Variants in HTR4 observed in about 807,000 individuals in gnomAD.
HTR4 encodes 5-hydroxytryptamine (serotonin) receptor 4, G protein-coupled.
A neutral mutation model predicts 36.8 loss-of-function variants in HTR4; 16 were observed. The observed-to-expected ratio is 0.43, with a 90% CI of 0.29 to 0.66. The LOEUF (loss-of-function observed/expected upper bound fraction) is 0.66, where lower values mean the gene tolerates loss of function less well. Among genes scored for constraint, HTR4 ranks in the 30% least tolerant of loss-of-function variants. The pLI is 0.13. For synonymous variants in HTR4, 189 were observed against 185.1 expected (o/e 1.02, Z -0.17); for missense variants, 438 against 490.9 (o/e 0.89, Z 1.02).
chr5:148,566,102 A>T (rs1272428596), intron 2 of HTR4, among the ~76,000 whole-genome samples: 3 of 152,220 alleles, frequency 2.0e-5, no homozygotes, highest in Non-Finnish European at 4.4e-5. Flanking sequence ...AACATGAAAC[A>T]TCTAAATGTC....
intron 2 of HTR4, among the ~76,000 whole-genome samples, chr5:148,613,374 A>G (rs1278226991): frequency 6.9e-6 from 1 of 145,516 alleles, no homozygotes; most frequent in Non-Finnish European, 1.5e-5. Flanking sequence ...GGCTGGTTCA[A>G]TATACGCAAA....
At chr5:148,564,707 C>T (rs1321817295) in intron 2 of HTR4, among the ~76,000 whole-genome samples, 1 of 152,268 alleles carries the variant, frequency 6.6e-6, no homozygotes, top group South Asian at 2.1e-4. Context: ...AAAGAGTTAA[C>T]AAGTTTCTCC....
intron 6 of HTR4, among the ~76,000 whole-genome samples, chr5:148,506,271 G>C (rs559425060): frequency 6.6e-6 from 1 of 152,090 alleles, no homozygotes; most frequent in South Asian, 2.1e-4. Flanking sequence ...CAAGAAATGC[G>C]GAAAGGATTC....
At chr5:148,464,034 C>CAAAAAAAAAAAAA (rs34212190) in intron 5 of HTR4, among the ~76,000 whole-genome samples, 4 of 99,726 alleles carry the variant, frequency 4.0e-5, no homozygotes, top group Admixed American at 1.0e-4. Flanking sequence ...CATTGACATG[C>CAAAAAAAAAAAAA]AAAAAAAAAA....
downstream of HTR4, among the ~76,000 whole-genome samples, chr5:148,479,042 G>A (rs1755793953): frequency 6.6e-6 from 1 of 151,806 alleles, no homozygotes; most frequent in South Asian, 2.1e-4. Context: ...GGATGCACAT[G>A]CTTAACCTCA....
Position 148,482,771 on chromosome 5 carries a change from A to G in HTR4, c.*432T>C, listed in dbSNP as rs1369206072. 19 of 1,035,920 alleles carry G rather than the reference A, an allele frequency of 1.8e-5. No individual in the cohort carries two copies. Among genetic ancestry groups the G allele is most frequent in the Non-Finnish European group, 2.1e-5 (18 of 858,620 alleles). 64.2% of individuals were successfully genotyped at this position (1,035,920 alleles called of 1,614,324 possible). ...CAGGAGCGACGCCTCTGGCTAAGAC[A>G]GGAACAGAGAGGGAGTATTTTGTTG... On this transcript the variant is annotated 3_prime_UTR_variant, in exon 7 of 7. Coordinates refer to ENST00000377888, the MANE Select transcript of HTR4 (RefSeq NM_000870.7).
chr5:148,653,371 A>G (rs1295480350), intron 1 of HTR4, among the ~76,000 whole-genome samples: 2 of 152,188 alleles, frequency 1.3e-5, no homozygotes, highest in African/African-American at 4.8e-5. Context: ...CCTTGTACCA[A>G]CATCCACTTC....
intron 5 of HTR4, among the ~76,000 whole-genome samples, chr5:148,512,664 C>T (rs1757549132): frequency 6.6e-6 from 1 of 152,144 alleles, no homozygotes; most frequent in Non-Finnish European, 1.5e-5. Context: ...GGCGCGGTGA[C>T]TTACATCTGT....
intron 6 of HTR4, chr5:148,484,437 C>T: frequency 3.3e-6 from 5 of 1,519,970 alleles, no homozygotes; most frequent in Middle Eastern, 1.7e-4. Context: ...ATCTTACTTA[C>T]ACAAGCTATG....
chr5:148,529,220 T>A (rs1169427213), intron 4 of HTR4, among the ~76,000 whole-genome samples: 1 of 151,954 alleles, frequency 6.6e-6, no homozygotes, highest in East Asian at 1.9e-4. Flanking sequence ...AACATGAACA[T>A]ACTGAATCTC....
intron 6 of HTR4, among the ~76,000 whole-genome samples, chr5:148,494,619 C>T (rs1224168496): frequency 6.6e-6 from 1 of 152,140 alleles, no homozygotes; most frequent in Admixed American, 6.5e-5. Flanking sequence ...AGTTTTTGAG[C>T]GTTGCTGATA....
At chr5:148,651,494 C>T (rs1037560137) in intron 1 of HTR4, among the ~76,000 whole-genome samples, 1 of 151,972 alleles carries the variant, frequency 6.6e-6, no homozygotes, top group South Asian at 2.1e-4. Context: ...CCCACCCACC[C>T]CCCGGACATT....
At chr5:148,586,837 C>T (rs922371217) in intron 2 of HTR4, among the ~76,000 whole-genome samples, 2 of 152,200 alleles carry the variant, frequency 1.3e-5, no homozygotes, top group African/African-American at 2.4e-5. Flanking sequence ...GATGATTTGA[C>T]TATGAGATGG....
intron 2 of HTR4, among the ~76,000 whole-genome samples, chr5:148,578,595 C>G (rs62388994): frequency 1.6e-4 from 25 of 151,846 alleles, no homozygotes; most frequent in African/African-American, 5.8e-4. Context: ...TTGAGGCAGA[C>G]GGTATAATCG....
intron 2 of HTR4, among the ~76,000 whole-genome samples, chr5:148,604,739 G>A (rs1418588919): frequency 2.0e-5 from 3 of 152,138 alleles, no homozygotes; most frequent in Non-Finnish European, 2.9e-5. Context: ...AATGAAAGAG[G>A]CCAGACACTA....
intron 2 of HTR4, among the ~76,000 whole-genome samples, chr5:148,570,201 T>A (rs1429051024): frequency 6.6e-6 from 1 of 152,114 alleles, no homozygotes; most frequent in Non-Finnish European, 1.5e-5. Context: ...CATATGTTTG[T>A]CCATTTGTTC....
chr5:148,617,336 C>T (rs1214091548), intron 2 of HTR4, among the ~76,000 whole-genome samples: 1 of 152,216 alleles, frequency 6.6e-6, no homozygotes, highest in Non-Finnish European at 1.5e-5. Flanking sequence ...CTTGCTTGTA[C>T]AGACTACCCA....
chr5:148,557,482 G>A (rs1042815222), intron 2 of HTR4, among the ~76,000 whole-genome samples: 1 of 152,108 alleles, frequency 6.6e-6, no homozygotes, highest in African/African-American at 2.4e-5. Flanking sequence ...GCAATTGGAT[G>A]TATGTGTGTC....
chr5:148,508,980 C>T (rs544625075), intron 6 of HTR4, among the ~76,000 whole-genome samples: 4 of 151,652 alleles, frequency 2.6e-5, no homozygotes, highest in African/African-American at 4.8e-5. Flanking sequence ...GTAGGAGCAC[C>T]GAGAATCAAG....
Sources: gnomAD v4.1 joint callset for allele counts (sites outside exome capture counted in the v4.1 genomes callset) on GRCh38, gnomAD v4.1.1 for gene constraint, MANE v1.5 for transcripts, NCBI Gene and HGNC (gene_info 2026-07-23, HGNC 2026-07-21) for gene names.